The following RAPH1 variants were observed in gnomAD, a reference collection of about 807,000 sequenced individuals.
RAPH1 encodes ras-associated and pleckstrin homology domains-containing protein 1.
RAPH1 carries 18 observed loss-of-function variants against 88.1 expected under a neutral mutation model. The observed-to-expected ratio is 0.20, with a 90% confidence interval of 0.14 to 0.30. RAPH1 has a LOEUF of 0.30. Among genes scored for constraint, RAPH1 ranks in the 10% least tolerant of loss-of-function variants. The pLI, the probability that RAPH1 is intolerant of heterozygous loss-of-function variation, is 1.00. For synonymous variants in RAPH1, 587 were observed against 559.0 expected (o/e 1.05, Z -0.71); for missense variants, 1,448 against 1,543.2 (o/e 0.94, Z 1.03).
rs1038286024 is a variant in RAPH1, at chr2:203,504,669, C to T, written c.1-9316G>A. On this transcript the variant is annotated intron_variant, in intron 1 of 13. Transcript: ENST00000319170. ...TTTCTGCAGCTGGATTGAATTTCTC[C>T]TAAAAAAAAAAAAAAAGTTTGTCTT... Among the ~76,000 whole-genome samples the T allele has an allele frequency of 1.6e-4, 21 of 129,330 alleles. No homozygotes were observed. The East Asian group carries it at 4.0e-3, about 25-fold the overall frequency. 84.8% of individuals were successfully genotyped at this position (129,330 alleles called of 152,430 possible). A position where few individuals can be genotyped will look rare whatever the true frequency, so the allele number is the denominator to read the frequency against.
intron 1 of RAPH1, among the ~76,000 whole-genome samples, chr2:203,530,723 C>T (rs1481594649): frequency 6.6e-6 from 1 of 152,070 alleles, no homozygotes; most frequent in Non-Finnish European, 1.5e-5. Context: ...GAAACTCTGT[C>T]TCTACTAAAA....
chr2:203,476,600 C>T (rs1022270635), intron 4 of RAPH1, among the ~76,000 whole-genome samples: 1 of 152,036 alleles, frequency 6.6e-6, no homozygotes, highest in Non-Finnish European at 1.5e-5. Context: ...TAGTGGCTAC[C>T]GTATGGGACA....
At chr2:203,452,767 G>A (rs573770996) in intron 10 of RAPH1, among the ~76,000 whole-genome samples, 1 of 152,086 alleles carries the variant, frequency 6.6e-6, no homozygotes, top group Non-Finnish European at 1.5e-5. Context: ...GACCAACATG[G>A]CAAAACCTCA....
At chr2:203,483,810 T>G (rs1474510430) in intron 4 of RAPH1, among the ~76,000 whole-genome samples, 1 of 152,178 alleles carries the variant, frequency 6.6e-6, no homozygotes, top group Non-Finnish European at 1.5e-5. Flanking sequence ...GACACTCTGC[T>G]CCTACTCTTG....
chr2:203,500,761 A>G (rs1688705984), intron 1 of RAPH1, among the ~76,000 whole-genome samples: 1 of 152,204 alleles, frequency 6.6e-6, no homozygotes, highest in Non-Finnish European at 1.5e-5. Context: ...TTAAAGGTAA[A>G]TGTGGACTCC....
intron 8 of RAPH1, among the ~76,000 whole-genome samples, chr2:203,457,138 T>G (rs2098520245): frequency 6.6e-6 from 1 of 152,026 alleles, no homozygotes; most frequent in Non-Finnish European, 1.5e-5. Flanking sequence ...TATAGAACAC[T>G]GACATACTTG....
chr2:203,510,701 C>CT (rs1559497588), intron 1 of RAPH1, among the ~76,000 whole-genome samples: 1 of 151,858 alleles, frequency 6.6e-6, no homozygotes, highest in Non-Finnish European at 1.5e-5. Flanking sequence ...CACACCTCAG[C>CT]TAAAAACACT....
chr2:203,438,173 A>G lies in RAPH1; in HGVS notation c.*1264T>C, dbSNP rs770892448. 5.8e-6 allele frequency: 3 copies of G among 518,866 alleles called. No homozygotes were observed. The Admixed American group carries it at 5.8e-5, about 10-fold the overall frequency. The allele number at this position is 518,866 out of a possible 1,614,324, so 32.1% of individuals were successfully genotyped here. On this transcript the variant is annotated 3_prime_UTR_variant, in exon 14 of 14. Coordinates refer to ENST00000319170, the MANE Select transcript of RAPH1 (RefSeq NM_213589.3). The stretch of plus-strand genomic sequence containing the variant: ...AACTAATCACAACCAGGCTGCAGTC[A>G]GCAAGGGTCCTGGTAGCCCCAGTAG...
chr2:203,517,109 T>C (rs1209116879), intron 1 of RAPH1, among the ~76,000 whole-genome samples: 1 of 151,158 alleles, frequency 6.6e-6, no homozygotes. Flanking sequence ...AACTCTGTTG[T>C]CTACAAGAAA....
chr2:203,474,662 C>T (rs1436474051), intron 4 of RAPH1, among the ~76,000 whole-genome samples: 1 of 152,178 alleles, frequency 6.6e-6, no homozygotes, highest in African/African-American at 2.4e-5. Flanking sequence ...GCAGTGTACA[C>T]TCTGTCACAT....
intron 1 of RAPH1, 139 bp from the exon 2 acceptor site, chr2:203,495,492 T>C (rs1430101769): frequency 2.9e-5 from 23 of 803,222 alleles, no homozygotes; most frequent in Non-Finnish European, 4.1e-5. Context: ...TAAAAGAAAA[T>C]CTTAAGTCAT....
chr2:203,440,930 G>T lies in RAPH1; in HGVS notation c.2260C>A (p.His754Asn). Residue 754 changes from histidine (H) to asparagine (N), a missense_variant, in exon 14 of 14, where the codon CAT (histidine) becomes AAT (asparagine). Transcript: ENST00000319170. ...PPPLKIHQVQ[H>N]ITQVAPPTPP... is the part of the protein sequence containing the mutation. Reference sequence around the variant, plus strand: ...GTTGGGGGAGCCACCTGAGTAATATGCTGAACTTGATGGATCTTCAGTGGA... The same window carrying T: ...GTTGGGGGAGCCACCTGAGTAATATTCTGAACTTGATGGATCTTCAGTGGA... 6.4e-7 allele frequency: 1 copy of T among 1,566,568 alleles called. No individual in the cohort carries two copies. Among genetic ancestry groups the T allele is most frequent in the Non-Finnish European group, 8.6e-7 (1 of 1,156,570 alleles).
chr2:203,509,645 C>T (rs1007473909), intron 1 of RAPH1, among the ~76,000 whole-genome samples: 3 of 152,114 alleles, frequency 2.0e-5, no homozygotes, highest in Admixed American at 2.0e-4. Flanking sequence ...GGAGGTATTA[C>T]TAAAGTTGAT....
chr2:203,510,189 A>AT (rs1689272859), intron 1 of RAPH1, among the ~76,000 whole-genome samples: 1 of 152,106 alleles, frequency 6.6e-6, no homozygotes, highest in African/African-American at 2.4e-5. Flanking sequence ...TAAAAGATAC[A>AT]TTTAATACTG....
rs1238313174 is a variant in RAPH1 at position 203,435,003 on chromosome 2, A to AGTT, written c.*4431_*4433dup. The AGTT allele has an allele frequency of 6.6e-6, 1 of 152,660 alleles. No homozygotes were observed. Among genetic ancestry groups the AGTT allele is most frequent in the African/African-American group, 2.4e-5 (1 of 41,466 alleles). 9.5% of individuals were successfully genotyped at this position (152,660 alleles called of 1,614,324 possible). On this transcript the variant is annotated 3_prime_UTR_variant, in exon 14 of 14. Transcript: ENST00000319170. ...TTCTTTAAAAATATTCTGCCAAAAGAGTTGAAGGCACTGGGGGTTTACAGC... is the reference window on the plus strand; with the variant it reads ...TTCTTTAAAAATATTCTGCCAAAAGAGTTGTTGAAGGCACTGGGGGTTTACAGC...
Position 203,491,199 on chromosome 2 carries a change from CCA to C in RAPH1, c.226+13_226+14del. On this transcript the variant is annotated intron_variant, in intron 3 of 13. Transcript: ENST00000319170. ...TAGCATACTATTTTACATTTTATTTCCAATTACATCTTACCATTCAAGTTGTA... is the reference window on the plus strand; with the variant it reads ...TAGCATACTATTTTACATTTTATTTCATTACATCTTACCATTCAAGTTGTA... The C allele has an allele frequency of 6.5e-7, 1 of 1,545,636 alleles. No homozygotes were observed. The highest frequency in any genetic ancestry group is 8.9e-7 in the Non-Finnish European group (1 of 1,119,598).
At position 203,491,435 on chromosome 2, in the gene RAPH1, G is replaced by C. The variant is rs1581350813; in HGVS notation, c.121-116C>G. The C allele has an allele frequency of 8.3e-6, 5 of 605,092 alleles. No homozygotes were observed. In the South Asian group the frequency reaches 1.3e-4, roughly 15 times the overall value. 37.5% of individuals were successfully genotyped at this position (605,092 alleles called of 1,614,324 possible). A position where few individuals can be genotyped will look rare whatever the true frequency, so the allele number is the denominator to read the frequency against. On this transcript the variant is annotated intron_variant, in intron 2 of 13. Coordinates refer to ENST00000319170, the MANE Select transcript of RAPH1 (RefSeq NM_213589.3). Reference sequence around the variant, plus strand: ...CCACACTATAATTAATTAAACCAAAGTTCTCCTAAGTAATAGACTTAAGGA... The same window carrying C: ...CCACACTATAATTAATTAAACCAAACTTCTCCTAAGTAATAGACTTAAGGA...
At position 203,440,635 on chromosome 2, in the gene RAPH1, G is replaced by A; in HGVS notation, c.2555C>T (p.Pro852Leu). The A allele has an allele frequency of 6.4e-7, 1 of 1,557,778 alleles. No homozygotes were observed. The highest frequency in any genetic ancestry group is 8.7e-7 in the Non-Finnish European group (1 of 1,148,334). Residue 852 changes from proline (P) to leucine (L), a missense_variant, in exon 14 of 14, where the codon CCC (proline) becomes CTC (leucine). By Grantham distance (98) the Pro-to-Leu change is moderately conservative (BLOSUM62 -3). Around this residue, in one of 2 missense-constraint regions of RAPH1, gnomAD observed 935 missense variants for 890.1 expected, o/e 1.05. Coordinates refer to ENST00000319170, the MANE Select transcript of RAPH1 (RefSeq NM_213589.3). ...KQQSFCAKPP[P>L]SPLSPVPSVV... ...CGAGGGCACCGGTGACAGTGGAGAGGGAGGGGGTTTTGCACAGAAGCTCTG... is the reference window on the plus strand; with the variant it reads ...CGAGGGCACCGGTGACAGTGGAGAGAGAGGGGGTTTTGCACAGAAGCTCTG...
At position 203,445,119 on chromosome 2, in the gene RAPH1, C is replaced by T. The variant is rs572563894; in HGVS notation, c.1634-109G>A. 312 of 867,346 alleles carry T rather than the reference C, an allele frequency of 3.6e-4. 1 individual carries two copies. The highest frequency in any genetic ancestry group is 2.0e-4 in the Non-Finnish European group (116 of 584,542). 53.7% of individuals were successfully genotyped at this position (867,346 alleles called of 1,614,324 possible). On this transcript the variant is annotated intron_variant, in intron 12 of 13. Coordinates refer to ENST00000319170, the MANE Select transcript of RAPH1 (RefSeq NM_213589.3). ...ACACAAGGTCAAGTGCTGTGTACAACAGCACCAAGTTATTTTACTCATTTC... is the reference window on the plus strand; with the variant it reads ...ACACAAGGTCAAGTGCTGTGTACAATAGCACCAAGTTATTTTACTCATTTC...
Sources: allele counts gnomAD v4.1 joint callset (sites outside exome capture counted in the v4.1 genomes callset), GRCh38; gene constraint gnomAD v4.1.1; regional missense constraint gnomAD v4.1.1; transcripts MANE v1.5; gene names NCBI Gene and HGNC (gene_info 2026-07-23, HGNC 2026-07-21).